Variants in NBAS observed in about 807,000 individuals in gnomAD.
NBAS encodes NAG/BC035112 fusion.
NBAS carries 219 observed loss-of-function variants against 302.5 expected under a neutral mutation model. The observed-to-expected ratio is 0.72, with a 90% CI of 0.65 to 0.81. NBAS has a LOEUF of 0.81. Among genes scored for constraint, NBAS ranks in the 30% least tolerant of loss-of-function variants. The probability of loss-of-function intolerance (pLI) is 0.00; values close to 1 mark genes in which losing one functional copy is unlikely to be tolerated. For missense variants in NBAS, 2,932 were observed against 2,841.6 expected, an observed-to-expected ratio of 1.03 and a Z score of -0.72; for synonymous variants, 1,118 against 1,021.6, an observed-to-expected ratio of 1.09 and a Z score of -1.80.
intron 21 of NBAS, among the ~76,000 whole-genome samples, chr2:15,458,392 G>T (rs1344571814): frequency 6.6e-6 from 1 of 152,160 alleles, no homozygotes; most frequent in Non-Finnish European, 1.5e-5. Flanking sequence ...GCGGGGTTTG[G>T]GTGGGGACAA....
intron 45 of NBAS, among the ~76,000 whole-genome samples, chr2:15,236,040 T>A (rs1667576294): frequency 6.6e-6 from 1 of 152,108 alleles, no homozygotes; most frequent in Non-Finnish European, 1.5e-5. Context: ...GATAAATGCA[T>A]GGGGTTGAAG....
At chr2:15,157,947 C>G in the NBAS span, among the ~76,000 whole-genome samples, 1 of 152,146 alleles carries the variant, frequency 6.6e-6, no homozygotes, top group Non-Finnish European at 1.5e-5. Context: ...ACTGTGTTTG[C>G]AGGAACAATA....
At position 15,234,608 on chromosome 2, in the gene NBAS, G is replaced by A. The variant is rs770309656; in HGVS notation, c.6083C>T (p.Pro2028Leu). 2 of 1,614,120 alleles carry A rather than the reference G, an allele frequency of 1.2e-6. No individual in the cohort carries two copies. The highest frequency in any genetic ancestry group is 1.1e-5 in the South Asian group (1 of 91,078). Reference sequence around the variant, plus strand: ...TATATCCTTGGGTGAGATGTCAAGAGGGCCAACTGCCACCTCTAGCAGCTG... The same window carrying A: ...TATATCCTTGGGTGAGATGTCAAGAAGGCCAACTGCCACCTCTAGCAGCTG... ...IQQLLEVAVG[P>L]LDISPKDIVQ... The change falls in exon 46 of 52, where the codon CCT becomes CTT. Residue 2028 changes from proline (P) to leucine (L), a missense_variant. Transcript: ENST00000281513.
chr2:15,017,241 G>A, the NBAS span, among the ~76,000 whole-genome samples: 2 of 151,944 alleles, frequency 1.3e-5, no homozygotes, highest in African/African-American at 4.8e-5. Context: ...AAATACGTCA[G>A]GACATGGATC....
rs546528019 is a variant in NBAS, at chr2:15,510,612, C to G, written c.885+600G>C. ...ATTGCTTGAATTATCAAAATAGAAC[C>G]TAGCCTATGCTGACTACTACAGCCC... On this transcript the variant is annotated intron_variant, in intron 10 of 51. Coordinates refer to ENST00000281513, the MANE Select transcript of NBAS (RefSeq NM_015909.4). Among the ~76,000 whole-genome samples, 50 of 152,292 alleles carry G rather than the reference C, an allele frequency of 3.3e-4. 1 individual carries two copies. The South Asian group carries it at 9.3e-3, about 28-fold the overall frequency.
intron 38 of NBAS, among the ~76,000 whole-genome samples, chr2:15,316,070 C>T (rs564911283): frequency 2.6e-5 from 4 of 152,274 alleles, no homozygotes; most frequent in African/African-American, 9.6e-5. Flanking sequence ...TGGCTAGAGA[C>T]TGAATTACAT....
At position 15,475,881 on chromosome 2, in the gene NBAS, C is replaced by T. The variant is rs1680171310; in HGVS notation, c.1148-1G>A. 6.2e-7 allele frequency: 1 copy of T among 1,610,712 alleles called. No individual in the cohort carries two copies. The highest frequency in any genetic ancestry group is 1.7e-5 in the Admixed American group (1 of 59,914). On this transcript the variant is annotated splice_acceptor_variant, in intron 13 of 51. Coordinates refer to ENST00000281513, the MANE Select transcript of NBAS (RefSeq NM_015909.4). LOFTEE classifies it high-confidence loss of function. ...ATCAGTGGGTAAAAGGACTCTTTATCTAAGAAGCGAAAAACAAATCAATAC... is the reference window on the plus strand; with the variant it reads ...ATCAGTGGGTAAAAGGACTCTTTATTTAAGAAGCGAAAAACAAATCAATAC...
chr2:14,823,521 T>G, the NBAS span, among the ~76,000 whole-genome samples: 1 of 152,238 alleles, frequency 6.6e-6, no homozygotes, highest in Non-Finnish European at 1.5e-5. Context: ...TAGCTAATTG[T>G]TGGAAAAGCC....
At chr2:14,897,944 C>T in the NBAS span, among the ~76,000 whole-genome samples, 1 of 152,134 alleles carries the variant, frequency 6.6e-6, no homozygotes, top group Admixed American at 6.5e-5. Context: ...ATGTTGGACA[C>T]TTTCCTGGCT....
the NBAS span, among the ~76,000 whole-genome samples, chr2:14,996,276 T>A: frequency 2.6e-5 from 4 of 152,248 alleles, no homozygotes; most frequent in African/African-American, 9.6e-5. Flanking sequence ...AGACTTTTCA[T>A]ATATATTGGC....
chr2:14,979,587 C>T, the NBAS span, among the ~76,000 whole-genome samples: 14 of 152,112 alleles, frequency 9.2e-5, no homozygotes, highest in African/African-American at 3.1e-4. Flanking sequence ...GGATTCACGA[C>T]CAGATATTTA....
At chr2:15,336,346 G>A (rs548349464) in intron 35 of NBAS, among the ~76,000 whole-genome samples, 1 of 152,298 alleles carries the variant, frequency 6.6e-6, no homozygotes, top group Non-Finnish European at 1.5e-5. Context: ...TAGCCTCAGA[G>A]TATGTGAAAA....
At chr2:15,159,615 G>A in the NBAS span, among the ~76,000 whole-genome samples, 1 of 151,528 alleles carries the variant, frequency 6.6e-6, no homozygotes, top group Admixed American at 6.6e-5. Flanking sequence ...AGGGCTGGGG[G>A]GAGGAAAGAA....
chr2:15,516,903 CA>C lies in NBAS; in HGVS notation c.747-5554del, dbSNP rs1185113854. On this transcript the variant is annotated intron_variant, in intron 9 of 51. Coordinates refer to ENST00000281513, the MANE Select transcript of NBAS (RefSeq NM_015909.4). ...CAAAAGCCAATAATGCAGATTAAAACAACACAGATTTACACCAATCACCCTC... is the reference window on the plus strand; with the variant it reads ...CAAAAGCCAATAATGCAGATTAAAACACACAGATTTACACCAATCACCCTC... Among the ~76,000 whole-genome samples, 4 of 152,160 alleles carry C rather than the reference CA, an allele frequency of 2.6e-5. No individual in the cohort carries two copies. The East Asian group carries it at 7.7e-4, about 29-fold the overall frequency.
chr2:14,827,360 G>A, the NBAS span, among the ~76,000 whole-genome samples: 1 of 152,168 alleles, frequency 6.6e-6, no homozygotes, highest in Non-Finnish European at 1.5e-5. Flanking sequence ...ATACATATAA[G>A]AATTACAAGC....
At chr2:15,415,022 G>A (rs73200609) in intron 25 of NBAS, among the ~76,000 whole-genome samples, 9,731 of 152,224 alleles carry the variant, frequency 0.064, 976 homozygotes, top group African/African-American at 0.21. Context: ...GAAGGTCCTC[G>A]AGGGCAGAAA....
chr2:14,817,173 T>C, the NBAS span, among the ~76,000 whole-genome samples: 3 of 152,224 alleles, frequency 2.0e-5, no homozygotes, highest in East Asian at 5.8e-4. Flanking sequence ...AATGTTATCA[T>C]GTGTTATTGC....
At chr2:15,139,913 A>G in the NBAS span, among the ~76,000 whole-genome samples, 7 of 152,240 alleles carry the variant, frequency 4.6e-5, no homozygotes, top group Non-Finnish European at 1.0e-4. Context: ...CTTTCATCCC[A>G]TCTGCTCTTC....
At chr2:14,805,915 T>C in the NBAS span, among the ~76,000 whole-genome samples, 1 of 152,192 alleles carries the variant, frequency 6.6e-6, no homozygotes, top group Non-Finnish European at 1.5e-5. Flanking sequence ...TCCAGTATAA[T>C]GCCCTTCAAA....
Sources: gnomAD v4.1 joint callset for allele counts (sites outside exome capture counted in the v4.1 genomes callset) on GRCh38, gnomAD v4.1.1 for gene constraint, MANE v1.5 for transcripts, NCBI Gene and HGNC (gene_info 2026-07-23, HGNC 2026-07-21) for gene names.